The following SCHIP1 variants were observed in gnomAD, a reference collection of about 807,000 sequenced individuals.
SCHIP1 encodes schwannomin interacting protein 1.
A neutral mutation model predicts 29.7 loss-of-function variants in SCHIP1; 8 were observed. That is an observed-to-expected ratio of 0.27 (90% CI 0.16 to 0.49). The LOEUF (loss-of-function observed/expected upper bound fraction) is 0.49. SCHIP1 is among the 20% of genes least tolerant of loss of function. The probability of loss-of-function intolerance (pLI) is 0.99; values close to 1 mark genes in which losing one functional copy is unlikely to be tolerated. For missense variants in SCHIP1, 193 were observed against 294.6 expected (o/e 0.66, Z 2.52); for synonymous variants, 76 against 94.9 (o/e 0.80, Z 1.16).
At chr3:159,835,283 GC>G (rs1055735067), upstream of SCHIP1, among the ~76,000 whole-genome samples, 35 of 152,256 alleles carry the variant, frequency 2.3e-4, no homozygotes, top group African/African-American at 8.4e-4. Flanking sequence ...ATATCCTCAG[GC>G]CATCTGAGCA....
At chr3:159,711,678 C>T in the SCHIP1 span, among the ~76,000 whole-genome samples, 3 of 151,904 alleles carry the variant, frequency 2.0e-5, no homozygotes. Flanking sequence ...TGCTAGGTCT[C>T]TTATTTTTCC....
At chr3:159,523,574 CGT>C in the SCHIP1 span, among the ~76,000 whole-genome samples, 5 of 151,700 alleles carry the variant, frequency 3.3e-5, no homozygotes, top group South Asian at 4.2e-4. Context: ...TAAGTGTGTG[CGT>C]GTGTGTGTGT....
the SCHIP1 span, among the ~76,000 whole-genome samples, chr3:159,679,220 T>G: frequency 1.3e-5 from 2 of 152,048 alleles, no homozygotes; most frequent in African/African-American, 4.8e-5. Context: ...GAGGGCTTGT[T>G]GTCAAACGTG....
chr3:159,575,124 G>C, the SCHIP1 span, among the ~76,000 whole-genome samples: 1 of 152,168 alleles, frequency 6.6e-6, no homozygotes, highest in Non-Finnish European at 1.5e-5. Context: ...TGTCCAACCA[G>C]TCCCAATGAG....
At chr3:159,692,764 AAT>A in the SCHIP1 span, among the ~76,000 whole-genome samples, 26,738 of 152,086 alleles carry the variant, frequency 0.18, 2,642 homozygotes, top group African/African-American at 0.25. Flanking sequence ...AAGAAGGAAA[AAT>A]ACGTCCAATA....
chr3:159,878,703 G>A (rs1247973925), intron 2 of SCHIP1, among the ~76,000 whole-genome samples: 3 of 145,956 alleles, frequency 2.1e-5, no homozygotes, highest in Non-Finnish European at 3.0e-5. Context: ...GCATGAACCC[G>A]GGAGGCGGAG....
chr3:159,747,843 T>G, the SCHIP1 span, among the ~76,000 whole-genome samples: 1 of 152,230 alleles, frequency 6.6e-6, no homozygotes, highest in Non-Finnish European at 1.5e-5. Context: ...GTCAAATATC[T>G]TTTGAGCTTT....
At chr3:159,559,232 G>A in the SCHIP1 span, among the ~76,000 whole-genome samples, 1 of 152,110 alleles carries the variant, frequency 6.6e-6, no homozygotes, top group Admixed American at 6.5e-5. Context: ...GGCTGCTTGG[G>A]TCTCTAATTT....
the SCHIP1 span, among the ~76,000 whole-genome samples, chr3:159,780,217 C>T: frequency 2.0e-3 from 300 of 152,286 alleles, 1 homozygote; most frequent in African/African-American, 6.9e-3. Flanking sequence ...CAGGGACAGT[C>T]GGAGGCCCTC....
chr3:159,753,102 C>T, the SCHIP1 span, among the ~76,000 whole-genome samples: 3 of 152,156 alleles, frequency 2.0e-5, no homozygotes, highest in Admixed American at 2.0e-4. Context: ...GCTTCTTCTC[C>T]TAGTTCTATA....
chr3:159,882,088 A>G (rs1716499633), intron 2 of SCHIP1, among the ~76,000 whole-genome samples: 10 of 152,220 alleles, frequency 6.6e-5, no homozygotes, highest in Admixed American at 6.5e-4. Flanking sequence ...CTAGGGAAAT[A>G]GACTCCACTT....
chr3:159,536,499 G>A, the SCHIP1 span, among the ~76,000 whole-genome samples: 1 of 152,110 alleles, frequency 6.6e-6, no homozygotes, highest in Non-Finnish European at 1.5e-5. Context: ...AAATCAATGG[G>A]TAAGGGAAAA....
At chr3:159,831,179 C>A in the SCHIP1 span, among the ~76,000 whole-genome samples, 1 of 152,156 alleles carries the variant, frequency 6.6e-6, no homozygotes, top group Non-Finnish European at 1.5e-5. Context: ...TGGGTGTCAT[C>A]AATGGGAAAT....
chr3:159,359,966 T>C, the SCHIP1 span, among the ~76,000 whole-genome samples: 1 of 152,190 alleles, frequency 6.6e-6, no homozygotes, highest in African/African-American at 2.4e-5. Flanking sequence ...CTCTCCCTTG[T>C]TTGTTAGCTG....
At chr3:159,599,432 C>T in the SCHIP1 span, among the ~76,000 whole-genome samples, 1 of 152,098 alleles carries the variant, frequency 6.6e-6, no homozygotes, top group Admixed American at 6.6e-5. Flanking sequence ...CCCAAAGTCC[C>T]CAAAGTATCA....
the SCHIP1 span, among the ~76,000 whole-genome samples, chr3:159,782,852 T>G: frequency 6.6e-6 from 1 of 152,232 alleles, no homozygotes; most frequent in African/African-American, 2.4e-5. Context: ...AGCCTTGCTG[T>G]GATGGGCATG....
chr3:159,620,279 A>G, the SCHIP1 span, among the ~76,000 whole-genome samples: 1 of 152,240 alleles, frequency 6.6e-6, no homozygotes, highest in Non-Finnish European at 1.5e-5. Context: ...TGTATCTCTG[A>G]TGCCACTGAG....
the SCHIP1 span, among the ~76,000 whole-genome samples, chr3:159,694,934 G>C: frequency 6.6e-6 from 1 of 152,162 alleles, no homozygotes; most frequent in African/African-American, 2.4e-5. Flanking sequence ...TGATTGCTGA[G>C]TAGTGCAATT....
the SCHIP1 span, among the ~76,000 whole-genome samples, chr3:159,821,343 A>G: frequency 6.6e-6 from 1 of 152,164 alleles, no homozygotes; most frequent in African/African-American, 2.4e-5. Flanking sequence ...GACAGGGAAA[A>G]TGTAGAGAGG....
Sources: allele counts gnomAD v4.1 joint callset (sites outside exome capture counted in the v4.1 genomes callset), GRCh38; gene constraint gnomAD v4.1.1; transcripts MANE v1.5; gene names NCBI Gene and HGNC (gene_info 2026-07-23, HGNC 2026-07-21).